The following ZNF551 variants were observed in gnomAD, a reference collection of about 807,000 sequenced individuals.
The protein encoded by ZNF551 is zinc finger protein 551.
Under a neutral mutation model 7.9 loss-of-function variants are expected in ZNF551, and 5 were observed. The observed-to-expected ratio is 0.63, with a 90% CI of 0.33 to 1.33. ZNF551 has a LOEUF of 1.33. Among genes scored for constraint, ZNF551 ranks in the 40% most tolerant of loss-of-function variants. The pLI is 0.05. For missense variants in ZNF551, 788 were observed against 825.2 expected (o/e 0.95, Z 0.55); for synonymous variants, 287 against 277.3 (o/e 1.03, Z -0.35).
Position 57,688,152 on chromosome 19 carries a change from A to T in ZNF551, c.1877A>T (p.His626Leu). The T allele has an allele frequency of 6.2e-7, 1 of 1,613,806 alleles. No homozygotes were observed. Among genetic ancestry groups the T allele is most frequent in the South Asian group, 1.1e-5 (1 of 91,070 alleles). Residue 626 changes from histidine to leucine, a missense_variant, in exon 3 of 3, where the codon CAC becomes CTC. By Grantham distance (99) the His-to-Leu change is moderately conservative. Coordinates refer to ENST00000282296, the MANE Select transcript of ZNF551 (RefSeq NM_138347.5). ...AGTCAATGTGGGAAACCCTTTACCC[A>T]CAAATCAGACCTTATTCAGCACCAA... ...ECSQCGKPFTHKSDLIQHQRV... is the reference protein window; with the variant it reads ...ECSQCGKPFTLKSDLIQHQRV...
intron 1 of ZNF551, 121 bp from the exon 2 acceptor site, chr19:57,685,141 G>A: frequency 7.5e-7 from 1 of 1,326,852 alleles, no homozygotes; most frequent in Non-Finnish European, 1.0e-6. Context: ...GGCATCGGTG[G>A]CACTGTGGCT....
At chr19:57,682,296 A>T (rs1984410552) in intron 1 of ZNF551, 52 bp downstream of exon 1, 2 of 1,520,648 alleles carry the variant, frequency 1.3e-6, no homozygotes, top group Non-Finnish European at 1.8e-6. Flanking sequence ...AGAAGCCTTA[A>T]GGCCCAGTGA....
chr19:57,687,425 G>C lies in ZNF551; in HGVS notation c.1150G>C (p.Val384Leu). ...CTCTAGCCTTTTTCGACACCAGAGAGTTCACTCTGGAGAAAGGCCTTATCA... is the reference window on the plus strand; with the variant it reads ...CTCTAGCCTTTTTCGACACCAGAGACTTCACTCTGGAGAAAGGCCTTATCA... ...QSSSLFRHQRVHSGERPYQCC... is the reference protein window; with the variant it reads ...QSSSLFRHQRLHSGERPYQCC... Residue 384 changes from valine (V) to leucine (L), a missense_variant, in exon 3 of 3, where the codon GTT (valine) becomes CTT (leucine). Coordinates refer to ENST00000282296, the MANE Select transcript of ZNF551 (RefSeq NM_138347.5). The C allele has an allele frequency of 2.5e-6, 4 of 1,613,834 alleles. No homozygotes were observed. Among genetic ancestry groups the C allele is most frequent in the Non-Finnish European group, 3.4e-6 (4 of 1,179,938 alleles).
At chr19:57,683,417 G>C (rs868177556) in intron 1 of ZNF551, among the ~76,000 whole-genome samples, 1 of 152,216 alleles carries the variant, frequency 6.6e-6, no homozygotes, top group South Asian at 2.1e-4. Flanking sequence ...GAAGTACATA[G>C]TAGGAGTAGT....
intron 1 of ZNF551, among the ~76,000 whole-genome samples, chr19:57,684,210 A>T (rs1984478935): frequency 6.6e-6 from 1 of 152,080 alleles, no homozygotes; most frequent in Non-Finnish European, 1.5e-5. Flanking sequence ...GCAGTTAGAG[A>T]TCTGGGATAG....
rs1984621327 is a variant in ZNF551 at position 57,687,696 on chromosome 19, C to G, written c.1421C>G (p.Pro474Arg). The change falls in exon 3 of 3, where the codon CCT becomes CGT. Residue 474 changes from proline to arginine, a missense_variant. Pro to Arg is a moderately radical substitution (Grantham distance 103). Transcript: ENST00000282296. Reference protein sequence around the residue: ...RHRSIHTGDRPYECSECEKSF... With the variant: ...RHRSIHTGDRRYECSECEKSF... ...CGCAGCATTCACACTGGTGATAGGC[C>G]TTATGAGTGCAGTGAATGTGAGAAA... The G allele has an allele frequency of 6.2e-7, 1 of 1,614,006 alleles. No homozygotes were observed. Among genetic ancestry groups the G allele is most frequent in the African/African-American group, 1.3e-5 (1 of 74,904 alleles).
Position 57,688,247 on chromosome 19 carries a change from CTCA to C in ZNF551, c.1974_1976del (p.Ile659del), listed in dbSNP as rs1984652034. The C allele has an allele frequency of 1.9e-6, 3 of 1,614,142 alleles. No homozygotes were observed. Among genetic ancestry groups the C allele is most frequent in the Admixed American group, 1.7e-5 (1 of 60,012 alleles). ...GAAATCCTTTAGCCGCAAATCTAACCTCATTCGACATCGGAGAGTTCACACTGA... is the reference window on the plus strand; with the variant it reads ...GAAATCCTTTAGCCGCAAATCTAACCTTCGACATCGGAGAGTTCACACTGA... On this transcript the variant is annotated inframe_deletion, in exon 3 of 3. Coordinates refer to ENST00000282296, the MANE Select transcript of ZNF551 (RefSeq NM_138347.5).
At chr19:57,685,433 A>C in intron 2 of ZNF551, 48 bp downstream of exon 2, 2 of 1,613,446 alleles carry the variant, frequency 1.2e-6, no homozygotes, top group Non-Finnish European at 1.7e-6. Context: ...TTTTGACCCC[A>C]GAGTTACCTC....
chr19:57,688,673 C>T lies in ZNF551; in HGVS notation c.*385C>T. The T allele has an allele frequency of 5.3e-6, 1 of 190,448 alleles. No homozygotes were observed. The highest frequency in any genetic ancestry group is 1.1e-5 in the Non-Finnish European group (1 of 89,888). 11.8% of individuals were successfully genotyped at this position (190,448 alleles called of 1,614,324 possible). ...CTTTTCTCTGACTTTAGAGTATACACCTGACCCAGTTGTGGTCCAGAGAAT... is the reference window on the plus strand; with the variant it reads ...CTTTTCTCTGACTTTAGAGTATACATCTGACCCAGTTGTGGTCCAGAGAAT... On this transcript the variant is annotated 3_prime_UTR_variant, in exon 3 of 3. Transcript: ENST00000282296.
rs1417292182 is a variant in ZNF551, at chr19:57,690,187, C to G, written c.*1899C>G. ...CTGACATGCAACAAAGTACACGTAT[C>G]CAAAGTGTACAGTTTGGTAAAGCCA... On this transcript the variant is annotated 3_prime_UTR_variant, in exon 3 of 3. Coordinates refer to ENST00000282296, the MANE Select transcript of ZNF551 (RefSeq NM_138347.5). The G allele has an allele frequency of 6.6e-6, 1 of 152,126 alleles. No individual in the cohort carries two copies. Among genetic ancestry groups the G allele is most frequent in the Non-Finnish European group, 1.5e-5 (1 of 68,032 alleles). 9.4% of individuals were successfully genotyped at this position (152,126 alleles called of 1,614,324 possible).
chr19:57,689,598 A>T lies in ZNF551; in HGVS notation c.*1310A>T. The T allele has an allele frequency of 3.3e-5, 5 of 152,398 alleles. No homozygotes were observed. The highest frequency in any genetic ancestry group is 1.9e-4 in the East Asian group (1 of 5,184). The allele number at this position is 152,398 out of a possible 1,614,324, so 9.4% of individuals were successfully genotyped here. The stretch of plus-strand genomic sequence containing the variant: ...CGGATTGCCTGAGCTCAGGAGTTCA[A>T]GACCAGCCTGGGCAACATGGTGAAA... On this transcript the variant is annotated 3_prime_UTR_variant, in exon 3 of 3. Coordinates refer to ENST00000282296, the MANE Select transcript of ZNF551 (RefSeq NM_138347.5).
At chr19:57,683,595 G>A (rs1430721764) in intron 1 of ZNF551, among the ~76,000 whole-genome samples, 1 of 152,154 alleles carries the variant, frequency 6.6e-6, no homozygotes, top group Non-Finnish European at 1.5e-5. Flanking sequence ...GGGTGGAGCT[G>A]TGGATCACAT....
At position 57,687,470 on chromosome 19, in the gene ZNF551, T is replaced by G; in HGVS notation, c.1195T>G (p.Ser399Ala). 6.2e-7 allele frequency: 1 copy of G among 1,613,996 alleles called. No homozygotes were observed. The highest frequency in any genetic ancestry group is 8.5e-7 in the Non-Finnish European group (1 of 1,179,968). Residue 399 changes from serine (S) to alanine (A), a missense_variant, in exon 3 of 3, where the codon TCC (serine) becomes GCC (alanine). Ser to Ala is a moderately conservative substitution (Grantham distance 99). Coordinates refer to ENST00000282296, the MANE Select transcript of ZNF551 (RefSeq NM_138347.5). ...TTATCAGTGCTGTGAGTGTGGGAAA[T>G]CCTTTAGACAAATCTTCAATCTCAT... ...RPYQCCECGK[S>A]FRQIFNLIRH...
Position 57,682,081 on chromosome 19 carries a change from A to G in ZNF551, c.-83A>G. 1.4e-6 allele frequency: 2 copies of G among 1,422,200 alleles called. No individual in the cohort carries two copies. The highest frequency in any genetic ancestry group is 1.3e-5 in the South Asian group (1 of 78,320). The allele number at this position is 1,422,200 out of a possible 1,614,324, so 88.1% of individuals were successfully genotyped here. A position where few individuals can be genotyped will look rare whatever the true frequency, so the allele number is the denominator to read the frequency against. On this transcript the variant is annotated 5_prime_UTR_variant, in exon 1 of 3. Transcript: ENST00000282296. ...GTCGCGACTGAGGGACGGGACAGAG[A>G]AGTCGCGAAAGTGGGCCAGAGGTTC...
chr19:57,684,529 CAGAGCTT>C (rs1272077077), intron 1 of ZNF551, among the ~76,000 whole-genome samples: 1 of 152,032 alleles, frequency 6.6e-6, no homozygotes, highest in East Asian at 1.9e-4. Context: ...ATGGCAGGCT[CAGAGCTT>C]AGATACTTGC....
At chr19:57,685,043 G>C (rs1203354218) in intron 1 of ZNF551, among the ~76,000 whole-genome samples, 1 of 152,146 alleles carries the variant, frequency 6.6e-6, no homozygotes, top group Non-Finnish European at 1.5e-5. Flanking sequence ...TACCTGCCAT[G>C]CCCAGAGCTT....
intron 2 of ZNF551, among the ~76,000 whole-genome samples, chr19:57,686,210 A>C (rs1435927108): frequency 6.6e-6 from 1 of 152,192 alleles, no homozygotes; most frequent in African/African-American, 2.4e-5. Context: ...ACTAGCAGAC[A>C]AAGTCCTGCT....
chr19:57,686,500 G>C lies in ZNF551; in HGVS notation c.225G>C (p.Glu75Asp). ...VTSLGYCHGM[E>D]NEAIASEQSV... ...TTTCAGGTTATTGCCATGGAATGGA[G>C]AATGAGGCGATAGCTTCTGAGCAGA... Residue 75 changes from glutamate to aspartate, a missense_variant, in exon 3 of 3, where the codon GAG becomes GAC. Transcript: ENST00000282296. 6.2e-7 allele frequency: 1 copy of C among 1,606,104 alleles called. No individual in the cohort carries two copies. Among genetic ancestry groups the C allele is most frequent in the East Asian group, 2.2e-5 (1 of 44,648 alleles).
In ZNF551 at chr19:57,683,265, C is replaced by G. The variant is rs182413999; in HGVS notation, c.81+1021C>G. ...GGCCAAAATGGTGGCTGTGAAGATG[C>G]GAGAAGCAGTTGGATTCTGGATTCA... On this transcript the variant is annotated intron_variant, in intron 1 of 2. Transcript: ENST00000282296. 6.6e-5 allele frequency among the ~76,000 whole-genome samples: 10 copies of G among 152,236 alleles called. 1 individual carries two copies. The highest frequency in any genetic ancestry group is 2.0e-4 in the Admixed American group (3 of 15,284).
Sources: gnomAD v4.1 joint callset for allele counts (sites outside exome capture counted in the v4.1 genomes callset) on GRCh38, gnomAD v4.1.1 for gene constraint, MANE v1.5 for transcripts, NCBI Gene and HGNC (gene_info 2026-07-23, HGNC 2026-07-21) for gene names.